The following PHF20L1 variants were observed in gnomAD, a reference collection of about 807,000 sequenced individuals.
PHF20L1 encodes PHD finger protein 20 like 1.
A neutral mutation model predicts 125.5 loss-of-function variants in PHF20L1; 44 were observed. That is an observed-to-expected ratio of 0.35 (90% CI 0.28 to 0.45). PHF20L1 has a LOEUF of 0.45. Ranked by LOEUF, PHF20L1 falls within the 20% of genes least tolerant of loss-of-function variation. The pLI, the probability that PHF20L1 is intolerant of heterozygous loss-of-function variation, is 1.00. For missense variants in PHF20L1, 1,012 were observed against 1,217.2 expected, an observed-to-expected ratio of 0.83 and a Z score of 2.51; for synonymous variants, 380 against 403.1, an observed-to-expected ratio of 0.94 and a Z score of 0.69.
chr8:132,799,273 TATC>T, intron 6 of PHF20L1, 101 bp downstream of exon 6: 1 of 638,668 alleles, frequency 1.6e-6, no homozygotes, highest in Admixed American at 2.9e-5. Flanking sequence ...ATTGAGTTCT[TATC>T]TTCTTCTTTC....
At chr8:132,841,418 A>G (rs1837922613) in intron 18 of PHF20L1, 2 of 152,102 alleles carry the variant, frequency 1.3e-5, no homozygotes, top group Non-Finnish European at 2.9e-5. Context: ...TATTTTCTGA[A>G]TATTAAACTA....
intron 15 of PHF20L1, among the ~76,000 whole-genome samples, chr8:132,834,472 T>G (rs1396533426): frequency 2.0e-5 from 3 of 152,048 alleles, no homozygotes; most frequent in Non-Finnish European, 2.9e-5. Context: ...TAGCTAAGAC[T>G]ACCAGCACAG....
intron 20 of PHF20L1, among the ~76,000 whole-genome samples, chr8:132,844,762 T>G (rs1838265871): frequency 6.6e-6 from 1 of 152,162 alleles, no homozygotes; most frequent in African/African-American, 2.4e-5. Context: ...AGTGGTTTTC[T>G]TTTATATTTT....
At chr8:132,817,735 A>G (rs1239646023) in intron 12 of PHF20L1, 190 bp downstream of exon 12, 2 of 556,798 alleles carry the variant, frequency 3.6e-6, no homozygotes, top group South Asian at 2.3e-5. Flanking sequence ...TTTTACAATC[A>G]TATTCCCTGG....
chr8:132,811,703 G>A (rs961801008), intron 9 of PHF20L1: 9 of 985,366 alleles, frequency 9.1e-6, no homozygotes, highest in Non-Finnish European at 1.1e-5. Context: ...ATTTTGCCTT[G>A]GCTACCTTCA....
chr8:132,805,096 T>A (rs2131576396), intron 8 of PHF20L1, among the ~76,000 whole-genome samples: 1 of 152,092 alleles, frequency 6.6e-6, no homozygotes, highest in South Asian at 2.1e-4. Flanking sequence ...TTTAAATTTT[T>A]TTATACATTC....
At chr8:132,824,292 T>C (rs1835916077) in intron 13 of PHF20L1, 2 of 353,828 alleles carry the variant, frequency 5.7e-6, no homozygotes, top group Non-Finnish European at 1.0e-5. Context: ...AAAGGAACTT[T>C]TGTGTTTATG....
chr8:132,845,312 C>T (rs1029987542), intron 20 of PHF20L1, among the ~76,000 whole-genome samples: 2 of 150,688 alleles, frequency 1.3e-5, no homozygotes, highest in African/African-American at 5.0e-5. Context: ...ATTGCTACTT[C>T]CTTTTCTTTG....
chr8:132,836,452 A>G (rs913264265), intron 15 of PHF20L1, 88 bp from the exon 16 acceptor site: 2 of 805,800 alleles, frequency 2.5e-6, no homozygotes, highest in African/African-American at 3.5e-5. Flanking sequence ...TTAATAGCTT[A>G]TGTTCACTTC....
Position 132,842,697 on chromosome 8 carries a change from T to TA in PHF20L1, c.2572dup (p.Thr858AsnfsTer3). 1 of 1,613,392 alleles carries TA rather than the reference T, an allele frequency of 6.2e-7. No homozygotes were observed. Among genetic ancestry groups the TA allele is most frequent in the Non-Finnish European group, 8.5e-7 (1 of 1,179,628 alleles). On this transcript the variant is annotated frameshift_variant, in exon 19 of 21. Transcript: ENST00000395386. LOFTEE classifies it high-confidence loss of function. ...CCCCTAAAAATGGAAGGAACTTATA[T>TA]AACAAGTGAGCATAGCTATCAAAAG...
At chr8:132,820,176 A>C (rs745553055) in intron 12 of PHF20L1, among the ~76,000 whole-genome samples, 4 of 151,814 alleles carry the variant, frequency 2.6e-5, no homozygotes, top group Non-Finnish European at 5.9e-5. Context: ...GTAAAAATTG[A>C]TGCCTTTGTT....
At chr8:132,777,409 A>G (rs540848255) in intron 1 of PHF20L1, among the ~76,000 whole-genome samples, 38 of 152,340 alleles carry the variant, frequency 2.5e-4, no homozygotes, top group Non-Finnish European at 4.4e-4. Flanking sequence ...GTCCTATTCC[A>G]GAACACTCAG....
In PHF20L1 at chr8:132,804,070, T is replaced by C. The variant is rs1270984605; in HGVS notation, c.721+38T>C. On this transcript the variant is annotated intron_variant, in intron 7 of 20. Coordinates refer to ENST00000395386, the MANE Select transcript of PHF20L1 (RefSeq NM_016018.5). The stretch of plus-strand genomic sequence containing the variant: ...TTCTTACGTTAATTCCTTATGACAC[T>C]GGTAAACTCATGTAGTAAAGTCAAA... The C allele has an allele frequency of 6.0e-6, 8 of 1,332,684 alleles. No homozygotes were observed. In the East Asian group the frequency reaches 1.9e-4, roughly 31 times the overall value. The allele number at this position is 1,332,684 out of a possible 1,614,324, so 82.6% of individuals were successfully genotyped here. A position where few individuals can be genotyped will look rare whatever the true frequency, so the allele number is the denominator to read the frequency against.
At chr8:132,824,117 G>T in intron 13 of PHF20L1, 57 bp downstream of exon 13, 1 of 1,063,368 alleles carries the variant, frequency 9.4e-7, no homozygotes, top group South Asian at 1.3e-5. Flanking sequence ...AGAGAGGGAG[G>T]ACATAGTCTG....
intron 14 of PHF20L1, 106 bp downstream of exon 14, chr8:132,825,477 G>C (rs574361820): frequency 2.2e-6 from 2 of 894,290 alleles, no homozygotes; most frequent in Non-Finnish European, 3.2e-6. Flanking sequence ...CCCGTGTCCC[G>C]TGTTGAGAAC....
rs1245319309 is a variant in PHF20L1 at position 132,848,434 on chromosome 8, C to A, written c.*2511C>A. On this transcript the variant is annotated 3_prime_UTR_variant, in exon 21 of 21. Coordinates refer to ENST00000395386, the MANE Select transcript of PHF20L1 (RefSeq NM_016018.5). Reference sequence around the variant, plus strand: ...GAAAAGTTTCAGATGAGATTATTTTCTTTTAGTCTTTTTAAATATCACTAT... The same window carrying A: ...GAAAAGTTTCAGATGAGATTATTTTATTTTAGTCTTTTTAAATATCACTAT... The A allele has an allele frequency of 6.6e-6, 1 of 152,432 alleles. No individual in the cohort carries two copies. The allele number at this position is 152,432 out of a possible 1,614,324, so 9.4% of individuals were successfully genotyped here. A position where few individuals can be genotyped will look rare whatever the true frequency, so the allele number is the denominator to read the frequency against.
chr8:132,815,547 A>G (rs915814904), intron 10 of PHF20L1: 1 of 151,950 alleles, frequency 6.6e-6, no homozygotes, highest in Non-Finnish European at 1.5e-5. Flanking sequence ...AGTTGGAGAC[A>G]TGAATAACAG....
chr8:132,817,698 C>G (rs1835131851), intron 12 of PHF20L1, 153 bp downstream of exon 12: 1 of 607,696 alleles, frequency 1.6e-6, no homozygotes, highest in Admixed American at 3.0e-5. Context: ...AGTTTCATCT[C>G]CGTTTTAAAG....
intron 2 of PHF20L1, among the ~76,000 whole-genome samples, chr8:132,780,695 A>C (rs1322202974): frequency 6.6e-6 from 1 of 152,190 alleles, no homozygotes; most frequent in Non-Finnish European, 1.5e-5. Flanking sequence ...AATCTTGCTT[A>C]CTGTCTCTAT....
Sources: allele counts gnomAD v4.1 joint callset (sites outside exome capture counted in the v4.1 genomes callset), GRCh38; gene constraint gnomAD v4.1.1; transcripts MANE v1.5; gene names NCBI Gene and HGNC (gene_info 2026-07-23, HGNC 2026-07-21).